The following UNC5D variants were observed in gnomAD, a reference collection of about 807,000 sequenced individuals.
UNC5D encodes netrin receptor UNC5D.
UNC5D carries 39 observed loss-of-function variants against 105.4 expected under a neutral mutation model. The observed-to-expected ratio is 0.37, with a 90% CI of 0.29 to 0.48. The LOEUF is 0.48. Among genes scored for constraint, UNC5D ranks in the 20% least tolerant of loss-of-function variants. The pLI, the probability that UNC5D is intolerant of heterozygous loss-of-function variation, is 0.98. For synonymous variants in UNC5D, 452 were observed against 450.4 expected, an observed-to-expected ratio of 1.00 and a Z score of -0.04; for missense variants, 991 against 1,202.4, an observed-to-expected ratio of 0.82 and a Z score of 2.60.
intron 1 of UNC5D, among the ~76,000 whole-genome samples, chr8:35,477,711 C>T (rs566996033): frequency 9.9e-5 from 15 of 151,996 alleles, no homozygotes; most frequent in Admixed American, 6.5e-4. Flanking sequence ...AACTTAAGAT[C>T]GCATTTTTAT....
intron 16 of UNC5D, among the ~76,000 whole-genome samples, chr8:35,789,696 A>G (rs1216625845): frequency 6.6e-6 from 1 of 152,118 alleles, no homozygotes; most frequent in African/African-American, 2.4e-5. Flanking sequence ...AATACTATCT[A>G]TGTTGTTTGA....
chr8:35,343,057 G>A (rs1811565505), intron 1 of UNC5D, among the ~76,000 whole-genome samples: 1 of 152,076 alleles, frequency 6.6e-6, no homozygotes, highest in Non-Finnish European at 1.5e-5. Context: ...TTCTGATTCA[G>A]TAGTTCTGGG....
chr8:35,789,538 G>A (rs1802931448), intron 16 of UNC5D, among the ~76,000 whole-genome samples: 1 of 152,000 alleles, frequency 6.6e-6, no homozygotes, highest in South Asian at 2.1e-4. Context: ...CTAGTTAGAA[G>A]AAGGACCAGT....
chr8:35,729,864 C>G (rs1484143988), intron 10 of UNC5D, among the ~76,000 whole-genome samples: 1 of 152,186 alleles, frequency 6.6e-6, no homozygotes, highest in Non-Finnish European at 1.5e-5. Flanking sequence ...GTGAAAGATA[C>G]TGATAACTAG....
chr8:35,347,089 G>T (rs1166742380), intron 1 of UNC5D, among the ~76,000 whole-genome samples: 1 of 152,060 alleles, frequency 6.6e-6, no homozygotes, highest in African/African-American at 2.4e-5. Context: ...ACCATTGAAA[G>T]GATAGCAAAG....
At chr8:35,358,236 T>C (rs541321776) in intron 1 of UNC5D, among the ~76,000 whole-genome samples, 1 of 152,122 alleles carries the variant, frequency 6.6e-6, no homozygotes, top group Non-Finnish European at 1.5e-5. Context: ...AGCAAAGACA[T>C]GGAATCAACC....
At chr8:35,711,246 C>G (rs1827947148) in intron 8 of UNC5D, among the ~76,000 whole-genome samples, 1 of 152,062 alleles carries the variant, frequency 6.6e-6, no homozygotes, top group African/African-American at 2.4e-5. Flanking sequence ...GTGGTGCGAT[C>G]TTGGCTCACT....
intron 1 of UNC5D, among the ~76,000 whole-genome samples, chr8:35,413,273 GTGTGTGTGTGTGTGTGTGT>G (rs1805297596): frequency 5.0e-5 from 1 of 19,946 alleles, no homozygotes; most frequent in South Asian, 5.7e-3. Context: ...GTGTGTGTGT[GTGTGTGTGTGTGTGTGTGT>G]TGTGTGTGTG....
At chr8:35,587,721 T>A (rs952022360) in intron 3 of UNC5D, among the ~76,000 whole-genome samples, 5 of 151,990 alleles carry the variant, frequency 3.3e-5, no homozygotes, top group African/African-American at 1.2e-4. Flanking sequence ...TGAAACAAGA[T>A]GTACTTCTCT....
At chr8:35,704,142 TA>T (rs1186690800) in intron 7 of UNC5D, among the ~76,000 whole-genome samples, 1 of 152,190 alleles carries the variant, frequency 6.6e-6, no homozygotes, top group Non-Finnish European at 1.5e-5. Context: ...TTTAAAGAAA[TA>T]TTTGCCAGAA....
intron 1 of UNC5D, among the ~76,000 whole-genome samples, chr8:35,474,915 G>A (rs376921431): frequency 6.6e-6 from 1 of 152,182 alleles, no homozygotes. Context: ...CTTAGGTGGG[G>A]CATTGGTAAT....
intron 1 of UNC5D, among the ~76,000 whole-genome samples, chr8:35,396,834 G>C (rs1166082066): frequency 6.7e-6 from 1 of 150,158 alleles, no homozygotes; most frequent in Non-Finnish European, 1.5e-5. Context: ...TAAATTTATA[G>C]GATACATGTG....
chr8:35,259,867 G>T (rs1219981617), intron 1 of UNC5D, among the ~76,000 whole-genome samples: 1 of 151,796 alleles, frequency 6.6e-6, no homozygotes, highest in African/African-American at 2.4e-5. Flanking sequence ...GGCAGGGAAG[G>T]GTACACATTT....
intron 15 of UNC5D, among the ~76,000 whole-genome samples, chr8:35,769,430 T>C (rs1801912078): frequency 6.6e-6 from 1 of 152,186 alleles, no homozygotes; most frequent in African/African-American, 2.4e-5. Context: ...GCACCAGAAA[T>C]TTTGTCTTCC....
In UNC5D at chr8:35,431,568, T is replaced by C. The variant is rs978084668; in HGVS notation, c.104-117724T>C. On this transcript the variant is annotated intron_variant, in intron 1 of 16. Transcript: ENST00000404895. ...CGGTTATATTCCATCTGGCTTTTCATTGAGGAAAGTATAAAAACTCTGCAA... is the reference window on the plus strand; with the variant it reads ...CGGTTATATTCCATCTGGCTTTTCACTGAGGAAAGTATAAAAACTCTGCAA... Among the ~76,000 whole-genome samples, 5 of 152,166 alleles carry C rather than the reference T, an allele frequency of 3.3e-5. No individual in the cohort carries two copies. In the South Asian group the frequency reaches 6.2e-4, roughly 19 times the overall value.
At chr8:35,305,730 CTCTT>C (rs1032205439) in intron 1 of UNC5D, among the ~76,000 whole-genome samples, 8 of 143,164 alleles carry the variant, frequency 5.6e-5, no homozygotes, top group African/African-American at 1.8e-4. Flanking sequence ...TTTCTCTTTT[CTCTT>C]TCTTTCTCTC....
chr8:35,265,236 A>G (rs181819382), intron 1 of UNC5D, among the ~76,000 whole-genome samples: 39 of 152,282 alleles, frequency 2.6e-4, no homozygotes, highest in Non-Finnish European at 4.4e-5. Context: ...ACTTAATCAT[A>G]TTCTCTAAAT....
In UNC5D at chr8:35,353,767, C is replaced by T. The variant is rs140701306; in HGVS notation, c.103+117880C>T. Reference sequence around the variant, plus strand: ...ATAGTGGGAAAAAGAAAGTTTAGGACGCTGGATAATGTGTGTGTAGAAAAG... The same window carrying T: ...ATAGTGGGAAAAAGAAAGTTTAGGATGCTGGATAATGTGTGTGTAGAAAAG... On this transcript the variant is annotated intron_variant, in intron 1 of 16. Coordinates refer to ENST00000404895, the MANE Select transcript of UNC5D (RefSeq NM_080872.4). Among the ~76,000 whole-genome samples, 657 of 152,086 alleles carry T rather than the reference C, an allele frequency of 4.3e-3. 7 individuals are homozygous for T. The highest frequency in any genetic ancestry group is 0.012 in the African/African-American group (518 of 41,492).
intron 1 of UNC5D, among the ~76,000 whole-genome samples, chr8:35,251,095 C>G (rs1312851860): frequency 6.6e-6 from 1 of 152,134 alleles, no homozygotes; most frequent in Non-Finnish European, 1.5e-5. Flanking sequence ...AATGGTTCAC[C>G]TCTTCCTCCC....
Sources: gnomAD v4.1 joint callset for allele counts (sites outside exome capture counted in the v4.1 genomes callset) on GRCh38, gnomAD v4.1.1 for gene constraint, MANE v1.5 for transcripts, NCBI Gene and HGNC (gene_info 2026-07-23, HGNC 2026-07-21) for gene names.